The following PRSS12 variants were observed in gnomAD, a reference collection of about 807,000 sequenced individuals.
The protein encoded by PRSS12 is serine protease 12, also known as neurotrypsin.
A neutral mutation model predicts 104.4 loss-of-function variants in PRSS12; 85 were observed. The observed-to-expected ratio is 0.81, with a 90% CI of 0.68 to 0.98. The LOEUF (loss-of-function observed/expected upper bound fraction) is 0.98. Ranked by LOEUF, PRSS12 falls within the 50% of genes least tolerant of loss-of-function variation. The probability of loss-of-function intolerance (pLI) is 0.00; values close to 1 mark genes in which losing one functional copy is unlikely to be tolerated. For synonymous variants in PRSS12, 454 were observed against 425.2 expected (o/e 1.07, Z -0.83); for missense variants, 1,141 against 1,139.2 (o/e 1.00, Z -0.02).
In PRSS12 at chr4:118,281,057, G is replaced by A. The variant is rs1388443560; in HGVS notation, c.*879C>T. The A allele has an allele frequency of 6.6e-6, 1 of 152,270 alleles. No individual in the cohort carries two copies. Among genetic ancestry groups the A allele is most frequent in the African/African-American group, 2.4e-5 (1 of 41,440 alleles). 9.4% of individuals were successfully genotyped at this position (152,270 alleles called of 1,614,324 possible). On this transcript the variant is annotated 3_prime_UTR_variant, in exon 13 of 13. Coordinates refer to ENST00000296498, the MANE Select transcript of PRSS12 (RefSeq NM_003619.4). The stretch of plus-strand genomic sequence containing the variant: ...TTTTAAGATTGGATTGTATCAGGTT[G>A]GGCTTGGGAAAACCTGCAGGTATAA...
At chr4:118,325,204 T>C (rs1355431020) in intron 4 of PRSS12, among the ~76,000 whole-genome samples, 2 of 151,532 alleles carry the variant, frequency 1.3e-5, no homozygotes, top group Non-Finnish European at 2.9e-5. Context: ...CACATGGACA[T>C]AAATGTGAGA....
intron 8 of PRSS12, among the ~76,000 whole-genome samples, chr4:118,299,769 T>TAAAAA (rs1275617704): frequency 2.4e-5 from 1 of 41,018 alleles, no homozygotes; most frequent in Non-Finnish European, 6.7e-5. Context: ...TAAAATTAAA[T>TAAAAA]AAAATAAAAT....
Position 118,352,380 on chromosome 4 carries a change from T to G in PRSS12, c.341A>C (p.Glu114Ala). ...DFGAPCLRWA[E>A]VPPFLERSPP... The stretch of plus-strand genomic sequence containing the variant: ...CGACCGCTCCAGGAAGGGTGGCACC[T>G]CCGCCCACCGCAGACACGGGGCGCC... Residue 114 changes from glutamate to alanine, a missense_variant, in exon 1 of 13, where the codon GAG becomes GCG. Coordinates refer to ENST00000296498, the MANE Select transcript of PRSS12 (RefSeq NM_003619.4). 6.4e-7 allele frequency: 1 copy of G among 1,551,410 alleles called. No individual in the cohort carries two copies. The highest frequency in any genetic ancestry group is 8.7e-7 in the Non-Finnish European group (1 of 1,154,272).
At chr4:118,328,922 T>G (rs1183785365) in intron 4 of PRSS12, among the ~76,000 whole-genome samples, 1 of 152,082 alleles carries the variant, frequency 6.6e-6, no homozygotes, top group Non-Finnish European at 1.5e-5. Flanking sequence ...GCCTCCTGAG[T>G]AGCTGGGATC....
chr4:118,316,555 C>T (rs577659331), intron 5 of PRSS12, among the ~76,000 whole-genome samples: 1 of 152,002 alleles, frequency 6.6e-6, no homozygotes, highest in South Asian at 2.1e-4. Flanking sequence ...GGTGTGGTGG[C>T]TCACTCCTGT....
At chr4:118,349,403 C>CAA (rs35412799) in intron 1 of PRSS12, among the ~76,000 whole-genome samples, 5 of 123,094 alleles carry the variant, frequency 4.1e-5, no homozygotes, top group Admixed American at 8.6e-5. Flanking sequence ...GAACCTATCT[C>CAA]AAAAAAAAAA....
intron 4 of PRSS12, among the ~76,000 whole-genome samples, chr4:118,319,690 T>A (rs1368295485): frequency 6.6e-6 from 1 of 152,070 alleles, no homozygotes; most frequent in African/African-American, 2.4e-5. Context: ...ATGTTGTTGT[T>A]ATTTTGAGAC....
At chr4:118,304,881 T>C (rs1743503356) in intron 8 of PRSS12, among the ~76,000 whole-genome samples, 1 of 151,784 alleles carries the variant, frequency 6.6e-6, no homozygotes, top group Non-Finnish European at 1.5e-5. Flanking sequence ...TAATACCATT[T>C]TGATTCTCAG....
chr4:118,321,802 T>A (rs1375328363), intron 4 of PRSS12, among the ~76,000 whole-genome samples: 1 of 152,194 alleles, frequency 6.6e-6, no homozygotes, highest in Non-Finnish European at 1.5e-5. Flanking sequence ...TATCTTAACA[T>A]TTTCTGGTTT....
chr4:118,350,819 AAAGAG>A (rs1429035667), intron 1 of PRSS12, among the ~76,000 whole-genome samples: 1 of 152,220 alleles, frequency 6.6e-6, no homozygotes, highest in Non-Finnish European at 1.5e-5. Flanking sequence ...TTATGTACTT[AAAGAG>A]AAGTTGTATA....
chr4:118,332,151 C>T (rs1051440180), intron 3 of PRSS12, among the ~76,000 whole-genome samples: 3 of 152,118 alleles, frequency 2.0e-5, no homozygotes, highest in Non-Finnish European at 4.4e-5. Context: ...CACTCAAAAG[C>T]TGCGCATTAC....
intron 4 of PRSS12, among the ~76,000 whole-genome samples, chr4:118,328,789 A>G (rs1723846473): frequency 6.6e-6 from 1 of 151,808 alleles, no homozygotes; most frequent in Admixed American, 6.6e-5. Context: ...ACACTTGGCT[A>G]ATTTTTTCTT....
At chr4:118,349,341 T>A (rs1335595801) in intron 1 of PRSS12, among the ~76,000 whole-genome samples, 5 of 151,332 alleles carry the variant, frequency 3.3e-5, no homozygotes, top group Non-Finnish European at 7.4e-5. Flanking sequence ...GAGGCAGAGG[T>A]TGCAGTGCAC....
intron 1 of PRSS12, among the ~76,000 whole-genome samples, chr4:118,340,134 C>T (rs1724164244): frequency 6.6e-6 from 1 of 152,064 alleles, no homozygotes; most frequent in Admixed American, 6.6e-5. Context: ...AGGAGAAAAT[C>T]CTGAGTAAAG....
At chr4:118,312,362 A>G (rs1430233491) in intron 7 of PRSS12, among the ~76,000 whole-genome samples, 2 of 150,924 alleles carry the variant, frequency 1.3e-5, no homozygotes, top group Non-Finnish European at 3.0e-5. Flanking sequence ...ATACACATAC[A>G]CACACACACA....
intron 1 of PRSS12, among the ~76,000 whole-genome samples, chr4:118,348,697 A>G (rs6828232): frequency 0.83 from 125,433 of 151,116 alleles, 54,402 homozygotes; most frequent in Non-Finnish European, 0.95. Flanking sequence ...TGTTGCCCAG[A>G]CTGGAGTGCA....
chr4:118,331,776 A>T lies in PRSS12; in HGVS notation c.911T>A (p.Val304Asp). Reference sequence around the variant, plus strand: ...GGCATCATCCCATTGGTCATCACAAACGGTTCCCCACTGGCCAGCATGGTA... The same window carrying T: ...GGCATCATCCCATTGGTCATCACAATCGGTTCCCCACTGGCCAGCATGGTA... ...ELYHAGQWGTVCDDQWDDADA... is the reference protein window; with the variant it reads ...ELYHAGQWGTDCDDQWDDADA... Residue 304 changes from valine (V) to aspartate (D), a missense_variant, in exon 4 of 13, where the codon GTT (valine) becomes GAT (aspartate). Transcript: ENST00000296498. 1 of 1,614,130 alleles carries T rather than the reference A, an allele frequency of 6.2e-7. No individual in the cohort carries two copies. Among genetic ancestry groups the T allele is most frequent in the Non-Finnish European group, 8.5e-7 (1 of 1,180,020 alleles).
At chr4:118,286,197 C>T (rs184023986) in intron 11 of PRSS12, among the ~76,000 whole-genome samples, 2 of 152,264 alleles carry the variant, frequency 1.3e-5, no homozygotes, top group East Asian at 1.9e-4. Context: ...ATAACTCCTT[C>T]TGAGTACCCT....
chr4:118,319,051 A>G (rs1723535628), intron 4 of PRSS12, among the ~76,000 whole-genome samples: 6 of 151,882 alleles, frequency 4.0e-5, no homozygotes, highest in Admixed American at 3.9e-4. Context: ...TAGACGCCTA[A>G]GTTTTGTTTT....
Sources: allele counts gnomAD v4.1 joint callset (sites outside exome capture counted in the v4.1 genomes callset), GRCh38; gene constraint gnomAD v4.1.1; transcripts MANE v1.5; gene names NCBI Gene and HGNC (gene_info 2026-07-23, HGNC 2026-07-21).